The following FHIP1A variants were observed in gnomAD, a reference collection of about 807,000 sequenced individuals.
The protein encoded by FHIP1A is FHF complex subunit HOOK interacting protein 1A, also known as FHF complex subunit HOOK-interacting protein 1A.
Under a neutral mutation model 88.6 loss-of-function variants are expected in FHIP1A, and 61 were observed. That is an observed-to-expected ratio of 0.69 (90% CI 0.56 to 0.85). The LOEUF (loss-of-function observed/expected upper bound fraction) is 0.85, where lower values mean the gene tolerates loss of function less well. Ranked by LOEUF, FHIP1A falls within the 40% of genes least tolerant of loss-of-function variation. FHIP1A has a pLI of 0.00. For missense variants in FHIP1A, 1,154 were observed against 1,273.5 expected, an observed-to-expected ratio of 0.91 and a Z score of 1.43; for synonymous variants, 478 against 496.0, an observed-to-expected ratio of 0.96 and a Z score of 0.48.
chr4:151,651,691 T>C (rs1424609526), intron 11 of FHIP1A, among the ~76,000 whole-genome samples: 4 of 152,190 alleles, frequency 2.6e-5, no homozygotes, highest in Admixed American at 1.3e-4. Flanking sequence ...CCAAAATAGA[T>C]GAAAACAGAT....
rs1334528737 is a variant in FHIP1A, at chr4:151,668,275, T to C, written c.*5521T>C. ...GATAGATCTGGTGGCTTTTCCCCAA[T>C]AGTCACCATGTGGAAACTATGCAAC... On this transcript the variant is annotated 3_prime_UTR_variant, in exon 14 of 14. Coordinates refer to ENST00000435205, the MANE Select transcript of FHIP1A (RefSeq NM_001109977.3). Among the ~76,000 whole-genome samples the C allele has an allele frequency of 1.3e-5, 2 of 152,092 alleles. No individual in the cohort carries two copies. The highest frequency in any genetic ancestry group is 6.5e-5 in the Admixed American group (1 of 15,274).
intron 3 of FHIP1A, among the ~76,000 whole-genome samples, chr4:151,561,588 A>G (rs936259017): frequency 6.6e-6 from 1 of 152,308 alleles, no homozygotes; most frequent in South Asian, 2.1e-4. Context: ...GGTGTTCCCA[A>G]TATTTGATGA....
At chr4:151,612,888 G>A (rs1182688016) in intron 7 of FHIP1A, among the ~76,000 whole-genome samples, 4 of 152,216 alleles carry the variant, frequency 2.6e-5, no homozygotes, top group Non-Finnish European at 5.9e-5. Flanking sequence ...GGCAGTAGCA[G>A]CACAGAATGA....
chr4:151,645,211 T>C (rs1736745397), intron 9 of FHIP1A, among the ~76,000 whole-genome samples: 1 of 152,258 alleles, frequency 6.6e-6, no homozygotes, highest in Admixed American at 6.5e-5. Flanking sequence ...TATCTGCCCA[T>C]GGAGACAGTA....
chr4:151,538,181 TG>T (rs894707046), intron 3 of FHIP1A, among the ~76,000 whole-genome samples: 8 of 152,210 alleles, frequency 5.3e-5, no homozygotes, highest in African/African-American at 1.9e-4. Flanking sequence ...CCTCATGGCC[TG>T]GTTTTTCATC....
At chr4:151,454,867 AT>A (rs2126588268) in intron 2 of FHIP1A, 59 bp downstream of exon 2, 1 of 152,218 alleles carries the variant, frequency 6.6e-6, no homozygotes, top group South Asian at 2.1e-4. Context: ...AATGGAAAAG[AT>A]TATGTGGCTT....
intron 2 of FHIP1A, among the ~76,000 whole-genome samples, chr4:151,455,384 C>T (rs1027303194): frequency 6.6e-6 from 1 of 152,216 alleles, no homozygotes; most frequent in African/African-American, 2.4e-5. Context: ...CCACTGCTGT[C>T]ATTAAAGGAG....
chr4:151,650,780 A>G (rs1737002529), intron 11 of FHIP1A, among the ~76,000 whole-genome samples, 188 bp downstream of exon 11: 1 of 152,080 alleles, frequency 6.6e-6, no homozygotes, highest in South Asian at 2.1e-4. Flanking sequence ...TGATTATCTT[A>G]TTTATTTCTC....
At chr4:151,494,611 C>T (rs933174682) in intron 3 of FHIP1A, among the ~76,000 whole-genome samples, 3 of 152,080 alleles carry the variant, frequency 2.0e-5, no homozygotes, top group Non-Finnish European at 4.4e-5. Context: ...ACATGATGCT[C>T]CAACTTTGTT....
chr4:151,647,437 G>A (rs1376888808), intron 10 of FHIP1A, among the ~76,000 whole-genome samples: 1 of 152,134 alleles, frequency 6.6e-6, no homozygotes, highest in Non-Finnish European at 1.5e-5. Flanking sequence ...ACTAGGAAAT[G>A]CCCAGTCCTG....
intron 3 of FHIP1A, among the ~76,000 whole-genome samples, chr4:151,521,291 A>T (rs537228595): frequency 3.3e-5 from 5 of 152,138 alleles, no homozygotes; most frequent in Non-Finnish European, 7.4e-5. Flanking sequence ...GGGAAGGTGG[A>T]TTTTAAGGGA....
chr4:151,449,218 G>A (rs1375084830), intron 1 of FHIP1A, among the ~76,000 whole-genome samples: 1 of 152,018 alleles, frequency 6.6e-6, no homozygotes, highest in Admixed American at 6.6e-5. Flanking sequence ...TTTGTGCCTG[G>A]TATAGTATTG....
chr4:151,464,695 C>A (rs1416099207), intron 2 of FHIP1A, among the ~76,000 whole-genome samples: 1 of 152,186 alleles, frequency 6.6e-6, no homozygotes, highest in Non-Finnish European at 1.5e-5. Context: ...CTTGAATGTT[C>A]AGCCCAACCA....
intron 3 of FHIP1A, among the ~76,000 whole-genome samples, chr4:151,514,724 G>A (rs953104734): frequency 2.6e-5 from 4 of 151,848 alleles, no homozygotes; most frequent in Admixed American, 6.6e-5. Context: ...TAAATTCCTC[G>A]ACACATACAT....
At chr4:151,432,438 C>T (rs1395598219) in intron 1 of FHIP1A, among the ~76,000 whole-genome samples, 1 of 152,122 alleles carries the variant, frequency 6.6e-6, no homozygotes, top group Non-Finnish European at 1.5e-5. Flanking sequence ...TAGTTGTGAA[C>T]AAAGCAAGCA....
intron 8 of FHIP1A, 126 bp downstream of exon 8, chr4:151,629,995 G>T: frequency 2.3e-6 from 2 of 852,620 alleles, no homozygotes; most frequent in South Asian, 1.9e-5. Context: ...TTTTTTGGTT[G>T]TTGTTGTTTT....
intron 1 of FHIP1A, among the ~76,000 whole-genome samples, chr4:151,435,756 GC>G (rs201010559): frequency 0.02 from 3,028 of 148,652 alleles, 103 homozygotes; most frequent in African/African-American, 0.071. Context: ...TTGCACTCCA[GC>G]CTGGGTGACA....
intron 3 of FHIP1A, among the ~76,000 whole-genome samples, chr4:151,538,328 A>T (rs1022223212): frequency 2.6e-5 from 4 of 152,208 alleles, no homozygotes; most frequent in African/African-American, 9.6e-5. Flanking sequence ...TTAAGTTGTT[A>T]CATGTAAAGT....
intron 7 of FHIP1A, among the ~76,000 whole-genome samples, chr4:151,624,019 A>G (rs1735850995): frequency 6.6e-6 from 1 of 152,192 alleles, no homozygotes; most frequent in South Asian, 2.1e-4. Context: ...AGCACCCAGT[A>G]CAGAGCTTTC....
Sources: gnomAD v4.1 joint callset for allele counts (sites outside exome capture counted in the v4.1 genomes callset) on GRCh38, gnomAD v4.1.1 for gene constraint, MANE v1.5 for transcripts, NCBI Gene and HGNC (gene_info 2026-07-23, HGNC 2026-07-21) for gene names.